The following KCND2 variants were observed in gnomAD, a reference collection of about 807,000 sequenced individuals.
KCND2 encodes A-type voltage-gated potassium channel KCND2.
KCND2 carries 16 observed loss-of-function variants against 54.4 expected under a neutral mutation model. The ratio of observed to expected loss-of-function variants is 0.29; its 90% CI spans 0.20 to 0.45. The LOEUF (loss-of-function observed/expected upper bound fraction) is 0.45, where lower values mean the gene tolerates loss of function less well. Among genes scored for constraint, KCND2 ranks in the 20% least tolerant of loss-of-function variants. The pLI is 1.00. For missense variants in KCND2, 486 were observed against 824.2 expected, an observed-to-expected ratio of 0.59 and a Z score of 5.02; for synonymous variants, 317 against 310.7, an observed-to-expected ratio of 1.02 and a Z score of -0.21.
intron 1 of KCND2, among the ~76,000 whole-genome samples, chr7:120,653,263 C>T (rs1176500100): frequency 6.7e-6 from 1 of 149,578 alleles, no homozygotes; most frequent in Non-Finnish European, 1.5e-5. Context: ...CCAGCCTGGT[C>T]TCAAACTTCT....
intron 1 of KCND2, among the ~76,000 whole-genome samples, chr7:120,588,721 T>C (rs1792632694): frequency 6.6e-6 from 1 of 151,968 alleles, no homozygotes; most frequent in South Asian, 2.1e-4. Context: ...TAAAAGAGGG[T>C]GGAGGAAGGA....
At chr7:120,668,252 C>T (rs934241685) in intron 1 of KCND2, among the ~76,000 whole-genome samples, 3 of 152,040 alleles carry the variant, frequency 2.0e-5, no homozygotes, top group Non-Finnish European at 4.4e-5. Context: ...ATTCTATCTC[C>T]TATCTTTCCA....
intron 1 of KCND2, among the ~76,000 whole-genome samples, chr7:120,667,259 C>G (rs1222749944): frequency 1.3e-5 from 2 of 151,992 alleles, no homozygotes; most frequent in African/African-American, 4.8e-5. Context: ...TACAAAGATT[C>G]TTAACTTTGG....
chr7:120,653,529 C>T lies in KCND2; in HGVS notation c.1116-79374C>T, dbSNP rs77312662. Among the ~76,000 whole-genome samples, 5,605 of 152,228 alleles carry T rather than the reference C, an allele frequency of 0.037. 711 individuals are homozygous for T. In the East Asian group the frequency reaches 0.44, roughly 12 times the overall value. On this transcript the variant is annotated intron_variant, in intron 1 of 5. Transcript: ENST00000331113. ...TAAGAGGCAATGTCTTTCCTTTGTT[C>T]CAAACCATGTGTTTGGTACCTGAAA...
chr7:120,483,276 G>T (rs939299787), intron 1 of KCND2, among the ~76,000 whole-genome samples: 1 of 152,094 alleles, frequency 6.6e-6, no homozygotes, highest in African/African-American at 2.4e-5. Flanking sequence ...GTTGAAGAAA[G>T]AAACACACAA....
chr7:120,731,849 C>T (rs939523465), intron 1 of KCND2, among the ~76,000 whole-genome samples: 5 of 152,126 alleles, frequency 3.3e-5, no homozygotes, highest in Non-Finnish European at 1.5e-5. Context: ...GGCGATGGCT[C>T]TTCCAATTTT....
chr7:120,626,857 G>A (rs1793169868), intron 1 of KCND2, among the ~76,000 whole-genome samples: 4 of 152,108 alleles, frequency 2.6e-5, no homozygotes, highest in Admixed American at 2.0e-4. Context: ...ACTTTGAAAA[G>A]CATAATATGC....
chr7:120,308,110 A>C (rs950600390), intron 1 of KCND2, among the ~76,000 whole-genome samples: 1 of 152,062 alleles, frequency 6.6e-6, no homozygotes, highest in Non-Finnish European at 1.5e-5. Context: ...TCAAACCCAG[A>C]ACTCTTTCGT....
chr7:120,427,898 C>T (rs1801735935), intron 1 of KCND2, among the ~76,000 whole-genome samples: 1 of 151,990 alleles, frequency 6.6e-6, no homozygotes, highest in South Asian at 2.1e-4. Context: ...TGATAGTATC[C>T]TTCTGTATGA....
intron 1 of KCND2, among the ~76,000 whole-genome samples, chr7:120,279,393 G>C (rs117059566): frequency 1.3e-5 from 2 of 151,950 alleles, no homozygotes; most frequent in Admixed American, 1.3e-4. Flanking sequence ...AGAATTTCAG[G>C]AGTGTTATTT....
chr7:120,566,744 A>G (rs1038006163), intron 1 of KCND2, among the ~76,000 whole-genome samples: 3 of 43,088 alleles, frequency 7.0e-5, no homozygotes, highest in African/African-American at 2.2e-4. Context: ...TATGTAATAT[A>G]TATATTGTAT....
At chr7:120,453,412 C>A (rs537566091) in intron 1 of KCND2, among the ~76,000 whole-genome samples, 1 of 152,200 alleles carries the variant, frequency 6.6e-6, no homozygotes, top group Non-Finnish European at 1.5e-5. Context: ...TGGTCCCATC[C>A]TCCCTGTACC....
intron 1 of KCND2, among the ~76,000 whole-genome samples, chr7:120,548,496 C>T (rs1237760397): frequency 6.6e-6 from 1 of 152,074 alleles, no homozygotes; most frequent in Admixed American, 6.5e-5. Context: ...CTCCAGCCTG[C>T]CAGGGTAATC....
chr7:120,277,571 A>G (rs1199728173), intron 1 of KCND2, among the ~76,000 whole-genome samples: 2 of 152,058 alleles, frequency 1.3e-5, no homozygotes, highest in East Asian at 1.9e-4. Flanking sequence ...TTTTAATGCT[A>G]TATAGTGTCT....
At chr7:120,335,201 A>G (rs1186869312) in intron 1 of KCND2, among the ~76,000 whole-genome samples, 1 of 151,856 alleles carries the variant, frequency 6.6e-6, no homozygotes, top group Non-Finnish European at 1.5e-5. Context: ...CGTCTCTACT[A>G]AAAATACAAA....
At chr7:120,339,054 T>TTA (rs1491358416) in intron 1 of KCND2, among the ~76,000 whole-genome samples, 74 of 96,990 alleles carry the variant, frequency 7.6e-4, no homozygotes, top group African/African-American at 4.2e-3. Flanking sequence ...CTAATTATTA[T>TTA]TTTTTTTTTT....
At chr7:120,674,911 AG>A (rs1392017490) in intron 1 of KCND2, among the ~76,000 whole-genome samples, 1 of 152,192 alleles carries the variant, frequency 6.6e-6, no homozygotes, top group Non-Finnish European at 1.5e-5. Context: ...CAAAATAAAT[AG>A]GCCCTAAGCG....
chr7:120,277,513 T>C (rs1799195016), intron 1 of KCND2, among the ~76,000 whole-genome samples: 1 of 152,072 alleles, frequency 6.6e-6, no homozygotes, highest in Admixed American at 6.5e-5. Flanking sequence ...AAATACACTT[T>C]AAAAATTTGG....
chr7:120,524,765 A>C (rs1168966658), intron 1 of KCND2, among the ~76,000 whole-genome samples: 1 of 152,160 alleles, frequency 6.6e-6, no homozygotes, highest in Non-Finnish European at 1.5e-5. Flanking sequence ...ATGAAGCTTA[A>C]AATACTCACA....
Sources: allele counts gnomAD v4.1 joint callset (sites outside exome capture counted in the v4.1 genomes callset), GRCh38; gene constraint gnomAD v4.1.1; transcripts MANE v1.5; gene names NCBI Gene and HGNC (gene_info 2026-07-23, HGNC 2026-07-21).